BANP: variants seen among roughly 807,000 people sequenced by gnomAD.
BANP encodes the protein protein BANP.
Under a neutral mutation model 68.1 loss-of-function variants are expected in BANP, and 11 were observed. The ratio of observed to expected loss-of-function variants is 0.16; its 90% CI spans 0.10 to 0.27. BANP has a LOEUF of 0.27. BANP is among the 10% of genes least tolerant of loss of function. The pLI, the probability that BANP is intolerant of heterozygous loss-of-function variation, is 1.00. For synonymous variants in BANP, 329 were observed against 303.2 expected, an observed-to-expected ratio of 1.09 and a Z score of -0.88; for missense variants, 504 against 722.7, an observed-to-expected ratio of 0.70 and a Z score of 3.47.
chr16:87,984,304 G>A, intron 4 of BANP, 45 bp downstream of exon 4: 1 of 1,479,200 alleles, frequency 6.8e-7, no homozygotes, highest in Non-Finnish European at 9.1e-7. Flanking sequence ...CACTTGGGGA[G>A]AAGCGCGTCA....
At chr16:87,969,285 G>A (rs1449578574) in intron 1 of BANP, among the ~76,000 whole-genome samples, 1 of 152,130 alleles carries the variant, frequency 6.6e-6, no homozygotes, top group Non-Finnish European at 1.5e-5. Context: ...GCACACATAT[G>A]TGAATGTCTG....
At chr16:88,039,049 C>T (rs1025668481) in intron 11 of BANP, among the ~76,000 whole-genome samples, 13 of 152,302 alleles carry the variant, frequency 8.5e-5, no homozygotes, top group Middle Eastern at 3.4e-3. Flanking sequence ...TTACACAGAG[C>T]GGGACAGAAG....
At chr16:87,969,077 G>C (rs1242910485) in intron 1 of BANP, among the ~76,000 whole-genome samples, 1 of 152,106 alleles carries the variant, frequency 6.6e-6, no homozygotes, top group African/African-American at 2.4e-5. Flanking sequence ...CGTCCACACT[G>C]CCCTGCCCAG....
intron 8 of BANP, among the ~76,000 whole-genome samples, chr16:88,028,314 G>A (rs1268150101): frequency 6.6e-6 from 1 of 152,234 alleles, no homozygotes. Context: ...GAGGGCAGCC[G>A]TGGGCAGGGC....
intron 6 of BANP, among the ~76,000 whole-genome samples, chr16:88,015,190 C>T (rs1219127608): frequency 1.2e-4 from 17 of 144,842 alleles, no homozygotes; most frequent in Admixed American, 8.3e-4. Flanking sequence ...GCCCTCTGCC[C>T]GTGCTCCTTC....
intron 11 of BANP, among the ~76,000 whole-genome samples, chr16:88,050,366 G>T (rs928260137): frequency 2.0e-5 from 3 of 152,142 alleles, no homozygotes; most frequent in Non-Finnish European, 2.9e-5. Flanking sequence ...CATGTTGCCA[G>T]GCTGGTCTTG....
At chr16:87,988,927 G>C (rs1165596868) in intron 4 of BANP, among the ~76,000 whole-genome samples, 1 of 152,168 alleles carries the variant, frequency 6.6e-6, no homozygotes, top group African/African-American at 2.4e-5. Flanking sequence ...CCACCTGTTG[G>C]TTCTTTCTCA....
At chr16:88,052,691 C>T (rs74251073) in intron 11 of BANP, among the ~76,000 whole-genome samples, 29,904 of 151,608 alleles carry the variant, frequency 0.2, 3,577 homozygotes, top group East Asian at 0.47. Flanking sequence ...ACCACCACCT[C>T]GACCACTATC....
chr16:87,961,363 T>C (rs7186900), intron 1 of BANP, among the ~76,000 whole-genome samples: 99,314 of 147,848 alleles, frequency 0.67, 34,330 homozygotes, highest in African/African-American at 0.8. Context: ...AGGGTTTTGC[T>C]GTGTTGCCCG....
At chr16:88,020,450 A>G (rs1304717753) in intron 7 of BANP, among the ~76,000 whole-genome samples, 5 of 149,742 alleles carry the variant, frequency 3.3e-5, no homozygotes, top group African/African-American at 5.0e-5. Flanking sequence ...TGTGTGGATC[A>G]CAGTGTGGAG....
At chr16:87,996,127 C>T (rs2067130997) in intron 4 of BANP, among the ~76,000 whole-genome samples, 2 of 152,112 alleles carry the variant, frequency 1.3e-5, no homozygotes, top group Non-Finnish European at 2.9e-5. Flanking sequence ...TCATTTGTGC[C>T]CAGGCAGAGG....
chr16:88,023,407 G>T (rs138939123), intron 7 of BANP, among the ~76,000 whole-genome samples: 3 of 152,298 alleles, frequency 2.0e-5, no homozygotes, highest in African/African-American at 4.8e-5. Flanking sequence ...TGCATGGGGC[G>T]TGAGCTGTGT....
chr16:87,949,398 G>A (rs565025017), upstream of BANP: 6 of 152,308 alleles, frequency 3.9e-5, no homozygotes, highest in South Asian at 6.2e-4. Flanking sequence ...GACAAAAGGC[G>A]TGCGTCCCTA....
intron 7 of BANP, among the ~76,000 whole-genome samples, chr16:88,019,535 A>C (rs149619332): frequency 0.027 from 3,235 of 120,190 alleles, 95 homozygotes; most frequent in Middle Eastern, 0.047. Flanking sequence ...GGATCTCAGC[A>C]TGCCGGGGGC....
At position 88,057,970 on chromosome 16, in the gene BANP, C is replaced by T. The variant is rs2085580075; in HGVS notation, c.1312-7297C>T. 1.3e-5 allele frequency among the ~76,000 whole-genome samples: 2 copies of T among 152,178 alleles called. No individual in the cohort carries two copies. The highest frequency in any genetic ancestry group is 1.3e-4 in the Admixed American group (2 of 15,284). On this transcript the variant is annotated intron_variant, in intron 11 of 13. Transcript: ENST00000682872. The surrounding 1 kb of genome is among the most constrained non-coding windows in gnomAD (Gnocchi z 4.6). ...GGGCCCGTGGGCCTGATTGAAGTCA[C>T]ACTCCTGCCCCCTTAAACTATGAAA...
chr16:87,973,544 T>C lies in BANP; in HGVS notation c.-68-1504T>C, dbSNP rs563414655. Among the ~76,000 whole-genome samples, 49 of 152,220 alleles carry C rather than the reference T, an allele frequency of 3.2e-4. No homozygotes were observed. The South Asian group carries it at 5.2e-3, about 16-fold the overall frequency. ...GGGAGGCCGAGGCATGCGGATCACC[T>C]GAGGTCGGGAGTTCAAGACCAACCC... On this transcript the variant is annotated intron_variant, in intron 1 of 13. Coordinates refer to ENST00000682872, the MANE Select transcript of BANP (RefSeq NM_001386991.1).
intron 11 of BANP, among the ~76,000 whole-genome samples, chr16:88,044,310 G>A (rs2081465308): frequency 6.7e-6 from 1 of 148,860 alleles, no homozygotes; most frequent in Admixed American, 6.7e-5. Flanking sequence ...CACACACACA[G>A]TCGGAACAGG....
rs2058203054 is a variant in BANP, at chr16:87,957,083, C to T, written c.-69+5568C>T. Reference sequence around the variant, plus strand: ...CTGTTGGAAAGAACCACTCTGCAATCCTTCGCGTCTACACTTCGTCAAGAA... The same window carrying T: ...CTGTTGGAAAGAACCACTCTGCAATTCTTCGCGTCTACACTTCGTCAAGAA... On this transcript the variant is annotated intron_variant, in intron 1 of 13. Coordinates refer to ENST00000682872, the MANE Select transcript of BANP (RefSeq NM_001386991.1). The surrounding 1 kb of genome is among the most constrained non-coding windows in gnomAD (Gnocchi z 4.3). The T allele has an allele frequency of 6.6e-6, 1 of 152,230 alleles. No individual in the cohort carries two copies. The highest frequency in any genetic ancestry group is 1.5e-5 in the Non-Finnish European group (1 of 68,066). 9.4% of individuals were successfully genotyped at this position (152,230 alleles called of 1,614,324 possible).
chr16:88,067,345 CCATGCTG>C (rs1460709404), intron 12 of BANP, among the ~76,000 whole-genome samples: 4 of 152,134 alleles, frequency 2.6e-5, no homozygotes, highest in Non-Finnish European at 5.9e-5. Context: ...GCCCCATGCC[CCATGCTG>C]CATGGTTCCC....
Sources: gnomAD v4.1 joint callset for allele counts (sites outside exome capture counted in the v4.1 genomes callset) on GRCh38, gnomAD v4.1.1 for gene constraint, Gnocchi (gnomAD v3.1) non-coding constraint, MANE v1.5 for transcripts, NCBI Gene and HGNC (gene_info 2026-07-23, HGNC 2026-07-21) for gene names.